Variants in CKMT2 observed in about 807,000 individuals in gnomAD.
The protein encoded by CKMT2 is creatine kinase S-type, mitochondrial.
CKMT2 carries 43 observed loss-of-function variants against 48.9 expected under a neutral mutation model. The observed-to-expected ratio is 0.88, with a 90% CI of 0.69 to 1.13. CKMT2 has a LOEUF of 1.13. Ranked by LOEUF, CKMT2 falls within the 50% of genes most tolerant of loss-of-function variation. The pLI, the probability that CKMT2 is intolerant of heterozygous loss-of-function variation, is 0.00. For synonymous variants in CKMT2, 206 were observed against 213.0 expected, an observed-to-expected ratio of 0.97 and a Z score of 0.29; for missense variants, 472 against 555.4, an observed-to-expected ratio of 0.85 and a Z score of 1.51.
intron 1 of CKMT2, among the ~76,000 whole-genome samples, chr5:81,240,843 T>A (rs1177726109): frequency 2.0e-5 from 3 of 152,184 alleles, no homozygotes; most frequent in Non-Finnish European, 4.4e-5. Flanking sequence ...ATTAAAAATG[T>A]TATAATAATT....
intron 8 of CKMT2, among the ~76,000 whole-genome samples, chr5:81,261,586 C>A (rs1757226802): frequency 6.6e-6 from 1 of 152,136 alleles, no homozygotes; most frequent in Non-Finnish European, 1.5e-5. Context: ...TGAATGAACT[C>A]CCATTCACAA....
At chr5:81,261,608 A>G (rs1037503356) in intron 8 of CKMT2, among the ~76,000 whole-genome samples, 3 of 152,216 alleles carry the variant, frequency 2.0e-5, no homozygotes, top group Non-Finnish European at 4.4e-5. Context: ...TGCTTCAAAG[A>G]GAATACAATA....
chr5:81,251,083 G>A, intron 1 of CKMT2, 30 bp from the exon 2 acceptor site: 1 of 1,592,492 alleles, frequency 6.3e-7, no homozygotes. Flanking sequence ...ATCCTATGAA[G>A]CTATCTAATC....
chr5:81,258,980 C>T (rs1264709747), intron 7 of CKMT2, 140 bp from the exon 8 acceptor site: 1 of 767,850 alleles, frequency 1.3e-6, no homozygotes, highest in East Asian at 2.7e-5. Flanking sequence ...ATTATTTTCT[C>T]TTAAAGGAGT....
chr5:81,234,564 T>G (rs989716260), intron 1 of CKMT2, among the ~76,000 whole-genome samples: 4 of 152,180 alleles, frequency 2.6e-5, no homozygotes, highest in Non-Finnish European at 4.4e-5. Flanking sequence ...TCCTCTGCAT[T>G]GATAGGCACC....
chr5:81,253,011 G>A (rs1756876756), intron 3 of CKMT2, 118 bp downstream of exon 3: 1 of 1,135,594 alleles, frequency 8.8e-7, no homozygotes, highest in South Asian at 1.4e-5. Flanking sequence ...CTCAGGAAGG[G>A]CTCTCATAAA....
At chr5:81,234,799 G>A (rs1756202932) in intron 1 of CKMT2, among the ~76,000 whole-genome samples, 2 of 152,132 alleles carry the variant, frequency 1.3e-5, no homozygotes, top group Admixed American at 1.3e-4. Flanking sequence ...TTCAGACACA[G>A]GAGGGAGACT....
chr5:81,260,011 A>G (rs900096754), intron 8 of CKMT2, among the ~76,000 whole-genome samples: 3 of 151,972 alleles, frequency 2.0e-5, no homozygotes, highest in Non-Finnish European at 2.9e-5. Context: ...AACGGATATC[A>G]TAACAGTCTC....
intron 1 of CKMT2, among the ~76,000 whole-genome samples, chr5:81,250,429 T>C (rs1392319466): frequency 6.6e-6 from 1 of 152,250 alleles, no homozygotes; most frequent in Non-Finnish European, 1.5e-5. Flanking sequence ...CTCTCATTCA[T>C]TGTACCTCCT....
rs1756936716 is a variant in CKMT2, at chr5:81,254,705, G to A, written c.447+214G>A. 9 of 596,398 alleles carry A rather than the reference G, an allele frequency of 1.5e-5. No individual in the cohort carries two copies. In the South Asian group the frequency reaches 1.7e-4, roughly 11 times the overall value. The allele number at this position is 596,398 out of a possible 1,614,324, so 36.9% of individuals were successfully genotyped here. On this transcript the variant is annotated intron_variant, in intron 4 of 9. Transcript: ENST00000254035. ...AATAAATACAACTAGGGAAGGGTTGGTCATTGGGAACTTTAAACCTTTCCT... is the reference window on the plus strand; with the variant it reads ...AATAAATACAACTAGGGAAGGGTTGATCATTGGGAACTTTAAACCTTTCCT...
intron 3 of CKMT2, 137 bp from the exon 4 acceptor site, chr5:81,254,259 T>C: frequency 4.6e-6 from 3 of 650,028 alleles, no homozygotes; most frequent in Non-Finnish European, 2.8e-6. Context: ...ATCCATTTCC[T>C]ATATGATAGT....
chr5:81,245,886 C>G (rs1450417259), intron 1 of CKMT2, among the ~76,000 whole-genome samples: 1 of 152,166 alleles, frequency 6.6e-6, no homozygotes, highest in African/African-American at 2.4e-5. Flanking sequence ...GCCCCAACAC[C>G]TAACGGCCTC....
chr5:81,258,995 T>C (rs1757113009), intron 7 of CKMT2, 125 bp from the exon 8 acceptor site: 3 of 910,826 alleles, frequency 3.3e-6, no homozygotes, highest in Non-Finnish European at 3.3e-6. Flanking sequence ...AGGAGTACTA[T>C]AAATTTACCT....
Position 81,242,462 on chromosome 5 carries a change from G to A in CKMT2, c.-20-8651G>A, listed in dbSNP as rs950885839. On this transcript the variant is annotated intron_variant, in intron 1 of 9. Transcript: ENST00000254035. Reference sequence around the variant, plus strand: ...CCTCTCTGTCAATTTTACAGAGGTCGCCTACTCATTCCCCTAGTTTCTTGT... The same window carrying A: ...CCTCTCTGTCAATTTTACAGAGGTCACCTACTCATTCCCCTAGTTTCTTGT... 9.2e-5 allele frequency: 47 copies of A among 508,118 alleles called. No individual in the cohort carries two copies. In the East Asian group the frequency reaches 1.2e-3, roughly 13 times the overall value. 31.5% of individuals were successfully genotyped at this position (508,118 alleles called of 1,614,324 possible).
At chr5:81,258,922 G>A (rs533154161) in intron 7 of CKMT2, among the ~76,000 whole-genome samples, 198 bp from the exon 8 acceptor site, 1 of 152,240 alleles carries the variant, frequency 6.6e-6, no homozygotes, top group African/African-American at 2.4e-5. Context: ...TGCTTTACAT[G>A]GTTCATTTAA....
intron 2 of CKMT2, 70 bp from the exon 3 acceptor site, chr5:81,252,625 C>G (rs1424857066): frequency 6.6e-7 from 1 of 1,518,300 alleles, no homozygotes; most frequent in African/African-American, 1.4e-5. Flanking sequence ...GATGGGCAAA[C>G]AACAAGTCCT....
Position 81,259,110 on chromosome 5 carries a change from C to A in CKMT2, c.880-10C>A. The A allele has an allele frequency of 6.2e-7, 1 of 1,607,732 alleles. No individual in the cohort carries two copies. Among genetic ancestry groups the A allele is most frequent in the Non-Finnish European group, 8.5e-7 (1 of 1,176,676 alleles). On this transcript the variant is annotated splice_polypyrimidine_tract_variant and intron_variant, in intron 7 of 9. Coordinates refer to ENST00000254035, the MANE Select transcript of CKMT2 (RefSeq NM_001099735.2). ...ATGCTGTCATTTGTTCACTGTGGTT[C>A]TACTTGTAGGTAGAACGGTTAATCC...
At chr5:81,237,724 T>A (rs1756290403) in intron 1 of CKMT2, 1 of 152,188 alleles carries the variant, frequency 6.6e-6, no homozygotes, top group Non-Finnish European at 1.5e-5. Flanking sequence ...CTTCAATACT[T>A]TTATGTTCAT....
At chr5:81,255,263 G>A in intron 5 of CKMT2, 49 bp downstream of exon 5, 1 of 1,542,408 alleles carries the variant, frequency 6.5e-7, no homozygotes, top group Non-Finnish European at 8.9e-7. Context: ...CAAGGGCTCT[G>A]ACCCGCACAG....
Sources: gnomAD v4.1 joint callset for allele counts (sites outside exome capture counted in the v4.1 genomes callset) on GRCh38, gnomAD v4.1.1 for gene constraint, MANE v1.5 for transcripts, NCBI Gene and HGNC (gene_info 2026-07-23, HGNC 2026-07-21) for gene names.